Variants in MBD5 observed in about 807,000 individuals in gnomAD.
MBD5 encodes the protein methyl-CpG binding domain protein 5, also known as methyl-CpG-binding domain protein 5.
Under a neutral mutation model 117.3 loss-of-function variants are expected in MBD5, and 13 were observed. The observed-to-expected ratio is 0.11, with a 90% confidence interval of 0.07 to 0.18. MBD5 has a LOEUF of 0.18. MBD5 is among the 10% of genes least tolerant of loss of function. The pLI, the probability that MBD5 is intolerant of heterozygous loss-of-function variation, is 1.00. For missense variants in MBD5, 1,879 were observed against 2,093.8 expected (o/e 0.90, Z 2.00); for synonymous variants, 727 against 766.4 (o/e 0.95, Z 0.85).
chr2:148,503,612 G>A (rs776167986), intron 12 of MBD5, among the ~76,000 whole-genome samples: 1 of 152,190 alleles, frequency 6.6e-6, no homozygotes, highest in East Asian at 1.9e-4. Flanking sequence ...ACAGCTGCAA[G>A]GGGCAAACTC....
At chr2:148,308,006 G>T (rs1008671634) in intron 3 of MBD5, among the ~76,000 whole-genome samples, 4 of 152,154 alleles carry the variant, frequency 2.6e-5, no homozygotes, top group Admixed American at 1.3e-4. Flanking sequence ...ATTCCATGGT[G>T]TATATATGCC....
At chr2:148,093,794 T>C (rs546539678) in intron 1 of MBD5, among the ~76,000 whole-genome samples, 7 of 152,278 alleles carry the variant, frequency 4.6e-5, no homozygotes, top group African/African-American at 1.7e-4. Context: ...AAAGAAAGAA[T>C]TTTCTTAAAA....
chr2:148,161,413 A>C (rs994987071), intron 1 of MBD5, among the ~76,000 whole-genome samples: 1 of 152,224 alleles, frequency 6.6e-6, no homozygotes, highest in Non-Finnish European at 1.5e-5. Flanking sequence ...GACTATGAAT[A>C]GGGACCAAGA....
chr2:148,409,338 T>G (rs749530864), intron 4 of MBD5, among the ~76,000 whole-genome samples: 5 of 148,862 alleles, frequency 3.4e-5, no homozygotes, highest in Non-Finnish European at 7.4e-5. Context: ...TGGTAAGACA[T>G]GATCATGCCA....
chr2:148,283,786 T>C (rs563138320), intron 3 of MBD5, among the ~76,000 whole-genome samples: 1 of 152,314 alleles, frequency 6.6e-6, no homozygotes, highest in Admixed American at 6.5e-5. Context: ...AATTTCTGCC[T>C]CTGGGAGCCC....
At chr2:148,042,990 A>T (rs1300738837) in intron 1 of MBD5, among the ~76,000 whole-genome samples, 1 of 152,120 alleles carries the variant, frequency 6.6e-6, no homozygotes, top group African/African-American at 2.4e-5. Context: ...TGTATAAAAA[A>T]TTTTGTATGG....
chr2:148,246,763 CAAAAA>C (rs71406014), intron 3 of MBD5, among the ~76,000 whole-genome samples: 10 of 70,132 alleles, frequency 1.4e-4, no homozygotes, highest in East Asian at 1.3e-3. Flanking sequence ...GACTCCATCT[CAAAAA>C]AAAAAAAAAA....
chr2:148,122,111 C>T (rs1235760176), intron 1 of MBD5, among the ~76,000 whole-genome samples: 2 of 152,106 alleles, frequency 1.3e-5, no homozygotes, highest in Non-Finnish European at 2.9e-5. Flanking sequence ...CTGACCTCCG[C>T]ATTTTTGGTC....
At chr2:148,081,453 G>C (rs1416711186) in intron 1 of MBD5, among the ~76,000 whole-genome samples, 1 of 152,084 alleles carries the variant, frequency 6.6e-6, no homozygotes, top group Non-Finnish European at 1.5e-5. Context: ...ATCTCTCCTG[G>C]TTTCGACTAC....
intron 3 of MBD5, among the ~76,000 whole-genome samples, chr2:148,319,530 GC>G: frequency 6.6e-6 from 1 of 152,166 alleles, no homozygotes; most frequent in South Asian, 2.1e-4. Context: ...AAATGGGATT[GC>G]CTTCTTCATT....
chr2:148,262,416 A>T (rs1700752572), intron 3 of MBD5, among the ~76,000 whole-genome samples: 1 of 152,168 alleles, frequency 6.6e-6, no homozygotes, highest in Non-Finnish European at 1.5e-5. Context: ...AAGTACAGAA[A>T]GTCTATACAT....
intron 1 of MBD5, among the ~76,000 whole-genome samples, chr2:148,029,255 TCTTTTC>T (rs1158947412): frequency 9.2e-5 from 14 of 152,068 alleles, no homozygotes; most frequent in Admixed American, 8.5e-4. Flanking sequence ...AGTAATATAG[TCTTTTC>T]CTTTAACACT....
In MBD5 at chr2:148,502,474, G is replaced by C. The variant is rs1429452677; in HGVS notation, c.5001G>C (p.Leu1667Phe). 6.2e-7 allele frequency: 1 copy of C among 1,614,190 alleles called. No individual in the cohort carries two copies. ...PEKLKTLTEG[L>F]EAYSRVRKRN... ...AGTTGAAGACACTAACAGAAGGTTT[G>C]GAAGCCTACAGCCGTGTCCGGAAAA... is the stretch of plus-strand genomic sequence containing the variant. Residue 1667 changes from leucine (L) to phenylalanine (F), a missense_variant, in exon 12 of 14, where the codon TTG becomes TTC. Coordinates refer to ENST00000642680, the MANE Select transcript of MBD5 (RefSeq NM_001378120.1).
chr2:148,419,778 A>G (rs1056454987), intron 4 of MBD5, among the ~76,000 whole-genome samples: 1 of 152,126 alleles, frequency 6.6e-6, no homozygotes, highest in Non-Finnish European at 1.5e-5. Context: ...TGGGTTTCCT[A>G]GGTAACTGAT....
intron 13 of MBD5, among the ~76,000 whole-genome samples, chr2:148,511,229 A>T (rs1376805113): frequency 6.6e-6 from 1 of 152,236 alleles, no homozygotes; most frequent in Non-Finnish European, 1.5e-5. Flanking sequence ...CATAGGTTTT[A>T]TGAGCCAGAC....
chr2:148,421,639 C>T (rs550679441), intron 4 of MBD5, among the ~76,000 whole-genome samples: 34 of 152,070 alleles, frequency 2.2e-4, no homozygotes, highest in South Asian at 1.0e-3. Flanking sequence ...TCTGGCTCGG[C>T]GGATCCCACC....
intron 6 of MBD5, among the ~76,000 whole-genome samples, chr2:148,463,238 A>C (rs1707150194): frequency 6.6e-6 from 1 of 152,192 alleles, no homozygotes; most frequent in Non-Finnish European, 1.5e-5. Flanking sequence ...GACAATTTTT[A>C]CTTTTCATTT....
At chr2:148,449,000 C>T (rs893909628) in intron 4 of MBD5, among the ~76,000 whole-genome samples, 1 of 152,100 alleles carries the variant, frequency 6.6e-6, no homozygotes, top group Admixed American at 6.6e-5. Flanking sequence ...GTGCTAACAG[C>T]TAACATACAA....
At chr2:148,487,543 G>A (rs749029286) in intron 10 of MBD5, among the ~76,000 whole-genome samples, 1 of 151,560 alleles carries the variant, frequency 6.6e-6, no homozygotes, top group Non-Finnish European at 1.5e-5. Context: ...GCTCAACCGT[G>A]TCACTGAGAA....
Sources: gnomAD v4.1 joint callset for allele counts (sites outside exome capture counted in the v4.1 genomes callset) on GRCh38, gnomAD v4.1.1 for gene constraint, MANE v1.5 for transcripts, NCBI Gene and HGNC (gene_info 2026-07-23, HGNC 2026-07-21) for gene names.